Variants in UBE2E2 observed in about 807,000 individuals in gnomAD.
UBE2E2 encodes ubiquitin-conjugating enzyme E2 E2.
UBE2E2 carries 6 observed loss-of-function variants against 24.7 expected under a neutral mutation model. That is an observed-to-expected ratio of 0.24 (90% CI 0.13 to 0.48). The LOEUF (loss-of-function observed/expected upper bound fraction) is 0.48, where lower values mean the gene tolerates loss of function less well. Among genes scored for constraint, UBE2E2 ranks in the 20% least tolerant of loss-of-function variants. UBE2E2 has a pLI of 0.99. For missense variants in UBE2E2, 169 were observed against 245.0 expected (o/e 0.69, Z 2.07); for synonymous variants, 104 against 83.6 (o/e 1.24, Z -1.33).
intron 3 of UBE2E2, among the ~76,000 whole-genome samples, chr3:23,355,178 G>A (rs895073809): frequency 1.2e-3 from 170 of 147,660 alleles, no homozygotes; most frequent in Non-Finnish European, 1.3e-3. Context: ...GAATTGAACA[G>A]TGAGAACACA....
chr3:23,545,771 G>A (rs757422280), intron 5 of UBE2E2, among the ~76,000 whole-genome samples: 15 of 152,228 alleles, frequency 9.9e-5, no homozygotes, highest in African/African-American at 2.2e-4. Flanking sequence ...CTAAGTGCCC[G>A]TCAACCGATG....
Position 23,407,647 on chromosome 3 carries a change from A to ATG in UBE2E2, c.228-91919_228-91918dup, listed in dbSNP as rs71974866. Among the ~76,000 whole-genome samples the ATG allele has an allele frequency of 0.096, 13,168 of 137,800 alleles. 773 individuals are homozygous for ATG. Among genetic ancestry groups the ATG allele is most frequent in the Admixed American group, 0.18 (2,445 of 13,402 alleles). 90.4% of individuals were successfully genotyped at this position (137,800 alleles called of 152,430 possible). A position where few individuals can be genotyped will look rare whatever the true frequency, so the allele number is the denominator to read the frequency against. ...TGTGTGTTTGTGTGTGCATGCGTGC[A>ATG]TGTGTGTGTGTGTGTGTGTGTGTGT... On this transcript the variant is annotated intron_variant, in intron 3 of 5. Transcript: ENST00000396703. The surrounding 1 kb of genome is among the most constrained non-coding windows in gnomAD (Gnocchi z 4.0).
intron 4 of UBE2E2, among the ~76,000 whole-genome samples, chr3:23,499,988 A>G (rs1175092085): frequency 6.6e-6 from 1 of 151,830 alleles, no homozygotes; most frequent in Non-Finnish European, 1.5e-5. Flanking sequence ...TCTTTGTTAT[A>G]TGTTTTAATG....
chr3:23,485,980 G>A (rs7641437), intron 3 of UBE2E2, among the ~76,000 whole-genome samples: 13,199 of 152,152 alleles, frequency 0.087, 736 homozygotes, highest in South Asian at 0.22. Context: ...GATCCTTCAG[G>A]TGTCGCTTCA....
In UBE2E2 at chr3:23,344,308, G is replaced by A. The variant is rs554852991; in HGVS notation, c.227+126996G>A. On this transcript the variant is annotated intron_variant, in intron 3 of 5. Coordinates refer to ENST00000396703, the MANE Select transcript of UBE2E2 (RefSeq NM_152653.4). Reference sequence around the variant, plus strand: ...GTTTACTCCCCACTTTCTAGCCTCCGACTCTTGAAAGCTTCCAAGAAACAC... The same window carrying A: ...GTTTACTCCCCACTTTCTAGCCTCCAACTCTTGAAAGCTTCCAAGAAACAC... Among the ~76,000 whole-genome samples the A allele has an allele frequency of 3.9e-5, 6 of 152,048 alleles. No individual in the cohort carries two copies. In the South Asian group the frequency reaches 8.3e-4, roughly 21 times the overall value.
intron 2 of UBE2E2, among the ~76,000 whole-genome samples, chr3:23,213,824 A>G (rs1696393168): frequency 6.6e-6 from 1 of 152,152 alleles, no homozygotes; most frequent in South Asian, 2.1e-4. Context: ...AGATTTACCT[A>G]ATCACTTTTA....
At chr3:23,401,182 A>C (rs954283411) in intron 3 of UBE2E2, among the ~76,000 whole-genome samples, 1 of 152,214 alleles carries the variant, frequency 6.6e-6, no homozygotes, top group African/African-American at 2.4e-5. Flanking sequence ...GCAGGAACCC[A>C]CTTTGCCCAC....
rs188027492 is a variant in UBE2E2 at position 23,450,442 on chromosome 3, A to G, written c.228-49166A>G. On this transcript the variant is annotated intron_variant, in intron 3 of 5. Coordinates refer to ENST00000396703, the MANE Select transcript of UBE2E2 (RefSeq NM_152653.4). Reference sequence around the variant, plus strand: ...CTACTAAATGGGGCAGTTCATGTCTATATTTAATGCTGTGTGCCTCTTTTA... The same window carrying G: ...CTACTAAATGGGGCAGTTCATGTCTGTATTTAATGCTGTGTGCCTCTTTTA... Among the ~76,000 whole-genome samples, 397 of 152,282 alleles carry G rather than the reference A, an allele frequency of 2.6e-3. 1 individual carries two copies. Among genetic ancestry groups the G allele is most frequent in the Non-Finnish European group, 2.6e-3 (174 of 68,014 alleles).
At chr3:23,489,481 A>G (rs561417581) in intron 3 of UBE2E2, among the ~76,000 whole-genome samples, 1 of 152,216 alleles carries the variant, frequency 6.6e-6, no homozygotes, top group Non-Finnish European at 1.5e-5. Flanking sequence ...AGAAGAGGAC[A>G]TTAGCATGCA....
At chr3:23,550,267 T>C (rs923243357) in intron 5 of UBE2E2, among the ~76,000 whole-genome samples, 1 of 152,204 alleles carries the variant, frequency 6.6e-6, no homozygotes, top group African/African-American at 2.4e-5. Context: ...AAATGAATTA[T>C]GAGTCTGCCT....
chr3:23,347,225 A>G (rs1241142624), intron 3 of UBE2E2, among the ~76,000 whole-genome samples: 1 of 152,230 alleles, frequency 6.6e-6, no homozygotes, highest in East Asian at 1.9e-4. Context: ...AGGATTATAA[A>G]TCATGCTGCT....
At chr3:23,241,892 T>C (rs1237491034) in intron 3 of UBE2E2, among the ~76,000 whole-genome samples, 1 of 152,094 alleles carries the variant, frequency 6.6e-6, no homozygotes, top group Non-Finnish European at 1.5e-5. Flanking sequence ...TTTATACCTC[T>C]CCCCAAGCCT....
At chr3:23,278,480 T>C (rs764715813) in intron 3 of UBE2E2, among the ~76,000 whole-genome samples, 4 of 152,164 alleles carry the variant, frequency 2.6e-5, no homozygotes, top group Non-Finnish European at 4.4e-5. Flanking sequence ...AACTCTAGTC[T>C]TGCATAAGAG....
At chr3:23,495,093 A>G (rs2125452378) in intron 3 of UBE2E2, among the ~76,000 whole-genome samples, 1 of 152,308 alleles carries the variant, frequency 6.6e-6, no homozygotes, top group Admixed American at 6.5e-5. Context: ...TCTGTTTTCA[A>G]GATAATTTGT....
chr3:23,302,809 A>G (rs1401497258), intron 3 of UBE2E2, among the ~76,000 whole-genome samples: 3 of 152,258 alleles, frequency 2.0e-5, no homozygotes, highest in Admixed American at 2.0e-4. Context: ...AATGTTATCA[A>G]AAACGGACTG....
intron 3 of UBE2E2, among the ~76,000 whole-genome samples, chr3:23,243,138 T>G (rs1697301128): frequency 6.6e-6 from 1 of 151,324 alleles, no homozygotes; most frequent in African/African-American, 2.4e-5. Flanking sequence ...TGAATAGAAA[T>G]ATAAGATGAT....
chr3:23,263,308 T>C (rs1158050339), intron 3 of UBE2E2, among the ~76,000 whole-genome samples: 1 of 152,238 alleles, frequency 6.6e-6, no homozygotes, highest in East Asian at 1.9e-4. Flanking sequence ...TGAGAGCCAT[T>C]TGTGAAGATA....
At chr3:23,213,462 TATC>T (rs1300482780) in intron 2 of UBE2E2, among the ~76,000 whole-genome samples, 1 of 152,102 alleles carries the variant, frequency 6.6e-6, no homozygotes, top group Non-Finnish European at 1.5e-5. Context: ...ATTGTAGTCT[TATC>T]ATTCATTCCT....
intron 5 of UBE2E2, chr3:23,534,262 A>C (rs1272968534): frequency 1.0e-6 from 1 of 975,544 alleles, no homozygotes; most frequent in East Asian, 1.1e-4. Flanking sequence ...ATTCCTGCTT[A>C]AAGGAATAGA....
Sources: gnomAD v4.1 joint callset for allele counts (sites outside exome capture counted in the v4.1 genomes callset) on GRCh38, gnomAD v4.1.1 for gene constraint, Gnocchi (gnomAD v3.1) non-coding constraint, MANE v1.5 for transcripts, NCBI Gene and HGNC (gene_info 2026-07-23, HGNC 2026-07-21) for gene names.